Variants in GNL3L observed in about 807,000 individuals in gnomAD.
The protein encoded by GNL3L is G protein nucleolar 3 like, also known as guanine nucleotide-binding protein-like 3-like protein.
A neutral mutation model predicts 42.9 loss-of-function variants in GNL3L; 4 were observed. That is an observed-to-expected ratio of 0.09 (90% CI 0.05 to 0.21). The LOEUF is 0.21. GNL3L is among the 10% of genes least tolerant of loss of function. The pLI is 1.00. For missense variants in GNL3L, 412 were observed against 481.7 expected, an observed-to-expected ratio of 0.86 and a Z score of 1.36; for synonymous variants, 159 against 176.3, an observed-to-expected ratio of 0.90 and a Z score of 0.78.
Position 54,539,910 on chromosome X carries a change from T to G in GNL3L, c.82-225T>G, listed in dbSNP as rs753890753. On this transcript the variant is annotated intron_variant, in intron 3 of 15. Coordinates refer to ENST00000360845, the MANE Select transcript of GNL3L (RefSeq NM_001184819.2). ...GGGCAGATCTTTGGGGATGGAGCCC[T>G]TTTTGCTTCTCTCCTTTCTTTGTCC... 5.2e-4 allele frequency among the ~76,000 whole-genome samples: 58 copies of G among 111,672 alleles called. No individual in the cohort carries two copies. The South Asian group carries it at 0.021, about 41-fold the overall frequency.
chrX:54,628,836 T>G, the GNL3L span, among the ~76,000 whole-genome samples: 1 of 107,882 alleles, frequency 9.3e-6, no homozygotes. Context: ...CTCTTTTGCT[T>G]ATTTCTTTTG....
chrX:54,576,111 T>C (rs963644569), intron 16 of GNL3L, among the ~76,000 whole-genome samples: 4 of 112,220 alleles, frequency 3.6e-5, no homozygotes, highest in Non-Finnish European at 7.5e-5. Context: ...CTAGCTATTA[T>C]TGAACATCTG....
intron 16 of GNL3L, among the ~76,000 whole-genome samples, chrX:54,590,008 C>T (rs892394874): frequency 3.6e-5 from 4 of 109,907 alleles, no homozygotes; most frequent in African/African-American, 1.3e-4. Context: ...GGTGTGACCT[C>T]GGCTCACTGC....
downstream of GNL3L, among the ~76,000 whole-genome samples, chrX:54,571,356 A>C (rs1219432637): frequency 9.2e-6 from 1 of 108,452 alleles, no homozygotes; most frequent in Non-Finnish European, 1.9e-5. Flanking sequence ...ACCACGCCCG[A>C]CTAATGTTTT....
chrX:54,641,796 G>A, the GNL3L span, among the ~76,000 whole-genome samples: 1 of 111,489 alleles, frequency 9.0e-6, no homozygotes, highest in Non-Finnish European at 1.9e-5. Context: ...GAGCTGAGCT[G>A]ACAGGTCCAG....
intron 16 of GNL3L, among the ~76,000 whole-genome samples, chrX:54,576,354 G>A (rs1267963085): frequency 8.9e-6 from 1 of 112,036 alleles, no homozygotes; most frequent in East Asian, 2.8e-4. Context: ...TCTTAGAATG[G>A]TATATCTTTT....
chrX:54,594,241 C>A lies in GNL3L; in HGVS notation c.*46-26604C>A, dbSNP rs1053699251. ...TATTATTGTATTGGAGTCTATCTGT[C>A]TTTTTTAGCTCTAATAGTATTTGCT... On this transcript the variant is annotated intron_variant, in intron 16 of 16. Coordinates refer to the GNL3L transcript ENST00000674498. 2.7e-5 allele frequency among the ~76,000 whole-genome samples: 3 copies of A among 111,360 alleles called. No homozygotes were observed. The Admixed American group carries it at 2.9e-4, about 11-fold the overall frequency.
chrX:54,560,982 G>A lies in GNL3L; in HGVS notation c.*380G>A, dbSNP rs1925249905. On this transcript the variant is annotated 3_prime_UTR_variant, in exon 16 of 16. Coordinates refer to ENST00000360845, the MANE Select transcript of GNL3L (RefSeq NM_001184819.2). ...CTGAACCTGGGAGACTAAGGCAGGAGAATCGCCTGAACCTGGGAGGCAGAG... is the reference window on the plus strand; with the variant it reads ...CTGAACCTGGGAGACTAAGGCAGGAAAATCGCCTGAACCTGGGAGGCAGAG... 9.1e-6 allele frequency: 1 copy of A among 110,000 alleles called. No individual in the cohort carries two copies. The highest frequency in any genetic ancestry group is 3.5e-5 in the African/African-American group (1 of 28,938). The allele number at this position is 110,000 out of a possible 1,213,427, so 9.1% of individuals were successfully genotyped here. A position where few individuals can be genotyped will look rare whatever the true frequency, so the allele number is the denominator to read the frequency against.
chrX:54,537,832 C>G, intron 2 of GNL3L, among the ~76,000 whole-genome samples: 1 of 110,742 alleles, frequency 9.0e-6, no homozygotes. Context: ...TGGATTAGAA[C>G]TCCTGGGCTC....
chrX:54,622,476 G>A (rs1464728007), downstream of GNL3L, among the ~76,000 whole-genome samples: 2 of 107,094 alleles, frequency 1.9e-5, no homozygotes, highest in Non-Finnish European at 3.8e-5. Flanking sequence ...GTAGAGATGG[G>A]GTTTCACTAT....
Position 54,543,045 on chromosome X carries a change from G to A in GNL3L, c.390+7G>A. 1 of 1,144,409 alleles carries A rather than the reference G, an allele frequency of 8.7e-7. No homozygotes were observed. The highest frequency in any genetic ancestry group is 1.2e-6 in the Non-Finnish European group (1 of 834,584). The allele number at this position is 1,144,409 out of a possible 1,213,427, so 94.3% of individuals were successfully genotyped here. A position where few individuals can be genotyped will look rare whatever the true frequency, so the allele number is the denominator to read the frequency against. On this transcript the variant is annotated splice_region_variant and intron_variant, in intron 6 of 15. Transcript: ENST00000360845. ...TTACAAGGAGTTCCGTAAGGTACAG[G>A]GTTCCATTTCTTCAGGCTTTTGCGG... is the stretch of plus-strand genomic sequence containing the variant.
At chrX:54,628,210 G>A in the GNL3L span, among the ~76,000 whole-genome samples, 111 of 91,779 alleles carry the variant, frequency 1.2e-3, 1 homozygote, top group Non-Finnish European at 1.9e-3. Flanking sequence ...GTAGTATTCC[G>A]TGGTGTGTGT....
rs139525959 is a variant in GNL3L at position 54,551,870 on chromosome X, T to C, written c.1077T>C (p.Thr359=). The C allele has an allele frequency of 8.3e-7, 1 of 1,211,275 alleles. No individual in the cohort carries two copies. The highest frequency in any genetic ancestry group is 1.1e-6 in the Non-Finnish European group (1 of 894,688). Residue 359 remains threonine, a synonymous_variant, in exon 12 of 16, where the codon ACT becomes ACC. Coordinates refer to ENST00000360845, the MANE Select transcript of GNL3L (RefSeq NM_001184819.2). The stretch of plus-strand genomic sequence containing the variant: ...ATGGCGTCTCTGGGTTCCAGACCAC[T>C]GAGCACTTTCTGACGGCAGTGGCCC... ...NYYGVSGFQT[T]EHFLTAVAHR...
chrX:54,616,599 A>G (rs7056570), intron 16 of GNL3L, among the ~76,000 whole-genome samples: 13,802 of 111,357 alleles, frequency 0.12, 1,310 homozygotes, highest in African/African-American at 0.33. Context: ...CCTGAACCTA[A>G]CAACTCCTTA....
chrX:54,534,485 C>T (rs1381365375), intron 2 of GNL3L, among the ~76,000 whole-genome samples: 2 of 111,003 alleles, frequency 1.8e-5, no homozygotes, highest in African/African-American at 3.3e-5. Flanking sequence ...GGAATGAAGT[C>T]AGTGGGTGTA....
At chrX:54,579,985 T>C (rs1345347511) in intron 16 of GNL3L, among the ~76,000 whole-genome samples, 1 of 97,118 alleles carries the variant, frequency 1.0e-5, no homozygotes, top group Admixed American at 1.1e-4. Flanking sequence ...GCCTAAAGTT[T>C]GTTTTTTTTT....
chrX:54,542,300 A>T lies in GNL3L; in HGVS notation c.307-655A>T, dbSNP rs376381044. Among the ~76,000 whole-genome samples, 54 of 94,052 alleles carry T rather than the reference A, an allele frequency of 5.7e-4. 1 individual carries two copies. In the East Asian group the frequency reaches 0.013, roughly 23 times the overall value. The allele number at this position is 94,052 out of a possible 115,157, so 81.7% of individuals were successfully genotyped here. ...TGTGATGTTCCCCTTCCTGTGTCCA[A>T]GTGTTCTCATTGTTCAATTCCCACC... On this transcript the variant is annotated intron_variant, in intron 5 of 15. Transcript: ENST00000360845.
In GNL3L at chrX:54,558,649, C is replaced by T; in HGVS notation, c.1660C>T (p.Arg554Cys). The T allele has an allele frequency of 8.4e-7, 1 of 1,187,728 alleles. No homozygotes were observed. Among genetic ancestry groups the T allele is most frequent in the Non-Finnish European group, 1.1e-6 (1 of 877,183 alleles). The change falls in exon 15 of 16, where the codon CGT (arginine) becomes TGT (cysteine). Residue 554 changes from arginine to cysteine, a missense_variant. Physicochemically the swap from Arg to Cys is radical, Grantham distance 180 (BLOSUM62 -3). Transcript: ENST00000360845. Reference sequence around the variant, plus strand: ...GAAAAATAAGAAGAAGATGCAGAAACGTGCAGGTGGGAGCCCCAGACCAAC... The same window carrying T: ...GAAAAATAAGAAGAAGATGCAGAAATGTGCAGGTGGGAGCCCCAGACCAAC... ...ALKNKKKMQK[R>C]ADKIASKLSD...
chrX:54,550,928 T>G lies in GNL3L; in HGVS notation c.776-35T>G, dbSNP rs759786441. The stretch of plus-strand genomic sequence containing the variant: ...GCTGGCCTGAGTGTTCCTGAGGGCC[T>G]CTTCTGCCCTGAGCCATCTGCTGCT... On this transcript the variant is annotated intron_variant, in intron 9 of 15. Transcript: ENST00000360845. 4 of 750,590 alleles carry G rather than the reference T, an allele frequency of 5.3e-6. No homozygotes were observed. In the East Asian group the frequency reaches 1.3e-4, roughly 24 times the overall value. 61.9% of individuals were successfully genotyped at this position (750,590 alleles called of 1,213,427 possible).
Sources: gnomAD v4.1 joint callset for allele counts (sites outside exome capture counted in the v4.1 genomes callset) on GRCh38, gnomAD v4.1.1 for gene constraint, MANE v1.5 for transcripts, NCBI Gene and HGNC (gene_info 2026-07-23, HGNC 2026-07-21) for gene names.